The following AP2A2 variants were observed in gnomAD, a reference collection of about 807,000 sequenced individuals.
AP2A2 encodes AP-2 complex subunit alpha-2.
AP2A2 carries 32 observed loss-of-function variants against 104.2 expected under a neutral mutation model. The observed-to-expected ratio is 0.31, with a 90% CI of 0.23 to 0.41. The LOEUF is 0.41. AP2A2 is among the 10% of genes least tolerant of loss of function. The pLI is 1.00. For missense variants in AP2A2, 912 were observed against 1,261.0 expected (o/e 0.72, Z 4.19); for synonymous variants, 539 against 533.3 (o/e 1.01, Z -0.15).
chr11:927,138 C>T (rs1853146252), intron 1 of AP2A2, among the ~76,000 whole-genome samples: 2 of 152,128 alleles, frequency 1.3e-5, no homozygotes, highest in South Asian at 4.1e-4. Flanking sequence ...TCCATCACGG[C>T]GCACTCAACC....
At chr11:995,088 C>G (rs1855808664) in intron 14 of AP2A2, among the ~76,000 whole-genome samples, 1 of 152,252 alleles carries the variant, frequency 6.6e-6, no homozygotes, top group Non-Finnish European at 1.5e-5. Flanking sequence ...TTCCTTCAGA[C>G]CGTCGTCTTG....
At chr11:927,172 C>T (rs2134441004) in intron 1 of AP2A2, among the ~76,000 whole-genome samples, 1 of 152,262 alleles carries the variant, frequency 6.6e-6, no homozygotes, top group African/African-American at 2.4e-5. Context: ...GATCCTACCA[C>T]CTCAGCCTCC....
At chr11:975,766 G>A (rs944911355) in intron 4 of AP2A2, among the ~76,000 whole-genome samples, 3 of 151,124 alleles carry the variant, frequency 2.0e-5, no homozygotes, top group Non-Finnish European at 4.4e-5. Context: ...AGCCGACGTC[G>A]GAGAGTGGCG....
chr11:927,932 CTAAG>C (rs1395673851), intron 1 of AP2A2, among the ~76,000 whole-genome samples: 1 of 146,232 alleles, frequency 6.8e-6, no homozygotes, highest in African/African-American at 2.5e-5. Flanking sequence ...TTTTGTAAAA[CTAAG>C]TGTGTGTATT....
intron 1 of AP2A2, among the ~76,000 whole-genome samples, chr11:936,819 A>G (rs1345099274): frequency 2.0e-5 from 3 of 152,104 alleles, no homozygotes; most frequent in Non-Finnish European, 4.4e-5. Flanking sequence ...TGATTCCTAC[A>G]AGGCAGCACC....
chr11:990,066 GA>G (rs1478278095), intron 10 of AP2A2, among the ~76,000 whole-genome samples: 1 of 152,194 alleles, frequency 6.6e-6, no homozygotes, highest in Non-Finnish European at 1.5e-5. Context: ...GTCTTTTAGT[GA>G]ACGGAGGAGC....
At position 992,372 on chromosome 11, in the gene AP2A2, C is replaced by T. The variant is rs1855688632; in HGVS notation, c.1270-131C>T. 8 of 900,246 alleles carry T rather than the reference C, an allele frequency of 8.9e-6. No homozygotes were observed. The highest frequency in any genetic ancestry group is 2.1e-5 in the Admixed American group (1 of 47,222). The allele number at this position is 900,246 out of a possible 1,614,324, so 55.8% of individuals were successfully genotyped here. The stretch of plus-strand genomic sequence containing the variant: ...TTTTTTGAGAATCGAGTTCAAGCTT[C>T]CTCCATGTCCCAAACTTTTGTAGAC... On this transcript the variant is annotated intron_variant, in intron 10 of 21. Transcript: ENST00000448903. This position sits in a 1 kb window ranked among gnomAD's most constrained non-coding sequence, Gnocchi z 6.4.
chr11:991,785 G>C (rs920696975), intron 10 of AP2A2, among the ~76,000 whole-genome samples: 1 of 152,004 alleles, frequency 6.6e-6, no homozygotes, highest in African/African-American at 2.4e-5. Context: ...GGGGAGGGGC[G>C]GCAGGGTATT....
intron 1 of AP2A2, among the ~76,000 whole-genome samples, chr11:929,219 C>T (rs968667537): frequency 5.3e-5 from 8 of 152,212 alleles, no homozygotes; most frequent in Non-Finnish European, 8.8e-5. Context: ...GAGGGGTCCC[C>T]GCTTCCCCTT....
intron 1 of AP2A2, among the ~76,000 whole-genome samples, chr11:937,930 C>G (rs561574319): frequency 9.8e-5 from 15 of 152,348 alleles, no homozygotes; most frequent in African/African-American, 3.4e-4. Context: ...GGAGCTTGAA[C>G]TGTGTCGGTT....
chr11:952,352 CAAG>C (rs1487608083), intron 1 of AP2A2, among the ~76,000 whole-genome samples: 1 of 152,152 alleles, frequency 6.6e-6, no homozygotes, highest in East Asian at 1.9e-4. Context: ...AGCCTGTAAA[CAAG>C]AAATCATTAA....
chr11:981,865 T>A (rs1483278873), intron 6 of AP2A2, among the ~76,000 whole-genome samples: 1 of 152,238 alleles, frequency 6.6e-6, no homozygotes, highest in Non-Finnish European at 1.5e-5. Context: ...TTGGTTTCCA[T>A]GTGCACGAGA....
intron 4 of AP2A2, among the ~76,000 whole-genome samples, chr11:975,900 G>A (rs1855015070): frequency 6.6e-6 from 1 of 152,186 alleles, no homozygotes; most frequent in African/African-American, 2.4e-5. Flanking sequence ...GGTGTGAGCT[G>A]ATGATTTAGA....
intron 10 of AP2A2, among the ~76,000 whole-genome samples, chr11:990,674 C>CA (rs1355575919): frequency 6.6e-6 from 1 of 151,456 alleles, no homozygotes; most frequent in Non-Finnish European, 1.5e-5. Context: ...ATGCTCCCCT[C>CA]ACCCCATCCT....
chr11:962,159 C>G (rs576776786), intron 2 of AP2A2, among the ~76,000 whole-genome samples: 2 of 152,386 alleles, frequency 1.3e-5, no homozygotes, highest in African/African-American at 4.8e-5. Context: ...CTGGGGGAGC[C>G]GGACCATGAC....
intron 1 of AP2A2, among the ~76,000 whole-genome samples, chr11:928,015 T>C (rs1853174484): frequency 6.6e-6 from 1 of 152,214 alleles, no homozygotes; most frequent in African/African-American, 2.4e-5. Context: ...TGTCCTTCCA[T>C]TTTTGAAGAA....
At chr11:966,551 C>T (rs1289571864) in intron 2 of AP2A2, among the ~76,000 whole-genome samples, 2 of 152,182 alleles carry the variant, frequency 1.3e-5, no homozygotes, top group Non-Finnish European at 2.9e-5. Context: ...TTTCATTTTA[C>T]CGTGAGTTTG....
chr11:993,015 T>C lies in AP2A2; in HGVS notation c.1453-269T>C, dbSNP rs1855713656. On this transcript the variant is annotated intron_variant, in intron 11 of 21. Transcript: ENST00000448903. The surrounding 1 kb of genome is among the most constrained non-coding windows in gnomAD (Gnocchi z 8.2). The stretch of plus-strand genomic sequence containing the variant: ...TAGGCCACCGGCAAGGGGTGTGCCA[T>C]GAGGACGCTGGCAGAACCTCCCCAG... 6.6e-6 allele frequency among the ~76,000 whole-genome samples: 1 copy of C among 152,308 alleles called. No individual in the cohort carries two copies. Among genetic ancestry groups the C allele is most frequent in the Admixed American group, 6.5e-5 (1 of 15,302 alleles).
intron 9 of AP2A2, 119 bp from the exon 10 acceptor site, chr11:988,433 T>G (rs1180022831): frequency 7.7e-7 from 1 of 1,294,200 alleles, no homozygotes; most frequent in South Asian, 1.3e-5. Flanking sequence ...TGGACCTGGA[T>G]GTGCATGTGA....
Sources: gnomAD v4.1 joint callset for allele counts (sites outside exome capture counted in the v4.1 genomes callset) on GRCh38, gnomAD v4.1.1 for gene constraint, Gnocchi (gnomAD v3.1) non-coding constraint, MANE v1.5 for transcripts, NCBI Gene and HGNC (gene_info 2026-07-23, HGNC 2026-07-21) for gene names.